Variants in SLC8A1 observed in about 807,000 individuals in gnomAD.
SLC8A1 encodes sodium/calcium exchanger 1.
In SLC8A1, 18 loss-of-function variants were observed where a neutral mutation model predicts 68.3. The observed-to-expected ratio is 0.26, with a 90% CI of 0.18 to 0.39. The LOEUF (loss-of-function observed/expected upper bound fraction) is 0.39. Ranked by LOEUF, SLC8A1 falls within the 10% of genes least tolerant of loss-of-function variation. SLC8A1 has a pLI of 1.00. For synonymous variants in SLC8A1, 475 were observed against 415.5 expected, an observed-to-expected ratio of 1.14 and a Z score of -1.74; for missense variants, 985 against 1,156.7, an observed-to-expected ratio of 0.85 and a Z score of 2.15.
At chr2:40,257,017 TAAATAAA>T (rs2064035170) in intron 2 of SLC8A1, among the ~76,000 whole-genome samples, 1 of 296 alleles carries the variant, frequency 3.4e-3, no homozygotes, top group Admixed American at 0.5. Context: ...ATCAAGTAAG[TAAATAAA>T]TAAATAAATA....
intron 5 of SLC8A1, among the ~76,000 whole-genome samples, chr2:40,161,292 T>C (rs34580201): frequency 0.02 from 2,971 of 152,252 alleles, 49 homozygotes; most frequent in Middle Eastern, 0.034. Flanking sequence ...CCAAAAAATA[T>C]TGCTATTGTA....
At chr2:40,236,312 A>G (rs916169042) in intron 2 of SLC8A1, among the ~76,000 whole-genome samples, 15 of 152,120 alleles carry the variant, frequency 9.9e-5, no homozygotes, top group Admixed American at 9.2e-4. Flanking sequence ...TATTTAGGAT[A>G]GTTAGCTCTT....
At position 40,337,452 on chromosome 2, in the gene SLC8A1, A is replaced by G. The variant is rs878934629; in HGVS notation, c.1808+91021T>C. The G allele has an allele frequency of 1.3e-5, 3 of 232,174 alleles. No individual in the cohort carries two copies. The South Asian group carries it at 1.6e-4, about 12-fold the overall frequency. 14.4% of individuals were successfully genotyped at this position (232,174 alleles called of 1,614,324 possible). A position where few individuals can be genotyped will look rare whatever the true frequency, so the allele number is the denominator to read the frequency against. ...GATTCTACAGGGAACCCATGAAGGA[A>G]GTCAGGTAAAAAAAGGAAAAGCAAG... On this transcript the variant is annotated intron_variant, in intron 2 of 7. Coordinates refer to ENST00000406785, the Ensembl canonical transcript of SLC8A1.
intron 2 of SLC8A1, among the ~76,000 whole-genome samples, chr2:40,321,531 G>C (rs2075187082): frequency 6.6e-6 from 1 of 152,062 alleles, no homozygotes; most frequent in Non-Finnish European, 1.5e-5. Context: ...AATTTACAAA[G>C]AAAAGAGGTT....
intron 2 of SLC8A1, among the ~76,000 whole-genome samples, chr2:40,248,295 C>A (rs377752078): frequency 6.6e-6 from 1 of 152,134 alleles, no homozygotes; most frequent in East Asian, 1.9e-4. Context: ...CAACTCCAAA[C>A]TCAGAGGTTG....
chr2:40,194,500 TGTGTGTGCGCGC>T (rs1305266593), intron 2 of SLC8A1, among the ~76,000 whole-genome samples: 11 of 146,236 alleles, frequency 7.5e-5, no homozygotes, highest in East Asian at 2.0e-4. Flanking sequence ...TGTGTGTGTG[TGTGTGTGCGCGC>T]GCAAAGAAAA....
intron 1 of SLC8A1, among the ~76,000 whole-genome samples, chr2:40,434,655 G>A (rs1220926986): frequency 3.9e-5 from 6 of 152,086 alleles, no homozygotes; most frequent in East Asian, 1.9e-4. Flanking sequence ...AGATCAACTC[G>A]TACAACTGTG....
chr2:40,375,472 G>C (rs1454847331), intron 2 of SLC8A1, among the ~76,000 whole-genome samples: 1 of 152,034 alleles, frequency 6.6e-6, no homozygotes, highest in East Asian at 1.9e-4. Context: ...ATTTTAATTG[G>C]ATAGTTTTAT....
chr2:40,340,718 G>C (rs961157215), intron 2 of SLC8A1, among the ~76,000 whole-genome samples: 2 of 152,166 alleles, frequency 1.3e-5, no homozygotes, highest in Non-Finnish European at 2.9e-5. Context: ...TTTAATTCTT[G>C]AGACTGGCCT....
intron 2 of SLC8A1, among the ~76,000 whole-genome samples, chr2:40,233,889 C>G (rs949663902): frequency 2.6e-5 from 4 of 151,524 alleles, no homozygotes; most frequent in Non-Finnish European, 5.9e-5. Flanking sequence ...TCAGGTTTGT[C>G]AAAGATCAGA....
In SLC8A1 at chr2:40,376,622, G is replaced by A. The variant is rs1355674547; in HGVS notation, c.1808+51851C>T. Among the ~76,000 whole-genome samples, 7 of 147,226 alleles carry A rather than the reference G, an allele frequency of 4.8e-5. No homozygotes were observed. The East Asian group carries it at 5.8e-4, about 12-fold the overall frequency. ...AAAGGAAAAGGAAAGGAAAGTTCAC[G>A]CTGTGGCAGATGCAACCAACAAACA... On this transcript the variant is annotated intron_variant, in intron 2 of 7. Coordinates refer to ENST00000406785, the Ensembl canonical transcript of SLC8A1.
chr2:40,412,050 A>C (rs1306106374), intron 2 of SLC8A1, among the ~76,000 whole-genome samples: 4 of 152,150 alleles, frequency 2.6e-5, no homozygotes, highest in Non-Finnish European at 5.9e-5. Context: ...AGAGATATTA[A>C]ATAACTAGCC....
At chr2:40,253,871 G>A (rs1490374327) in intron 2 of SLC8A1, among the ~76,000 whole-genome samples, 1 of 141,484 alleles carries the variant, frequency 7.1e-6, no homozygotes, top group Non-Finnish European at 1.5e-5. Flanking sequence ...AGGAAGGACA[G>A]CAGGAGTGGG....
At chr2:40,415,004 T>A (rs528758670) in intron 2 of SLC8A1, among the ~76,000 whole-genome samples, 59 of 152,244 alleles carry the variant, frequency 3.9e-4, no homozygotes, top group African/African-American at 1.4e-3. Context: ...AATACATGGC[T>A]CAGAAATTTG....
intron 2 of SLC8A1, among the ~76,000 whole-genome samples, chr2:40,369,629 A>G (rs1677372903): frequency 1.3e-5 from 2 of 152,090 alleles, no homozygotes; most frequent in South Asian, 4.1e-4. Flanking sequence ...CTGTCCATCT[A>G]TGTCTATCAG....
chr2:40,437,066 C>T (rs987872727), intron 1 of SLC8A1, among the ~76,000 whole-genome samples: 1 of 152,094 alleles, frequency 6.6e-6, no homozygotes, highest in Non-Finnish European at 1.5e-5. Context: ...TATTATCATT[C>T]GCATTTTACA....
chr2:40,414,453 G>A (rs1211840665), intron 2 of SLC8A1, among the ~76,000 whole-genome samples: 1 of 152,174 alleles, frequency 6.6e-6, no homozygotes, highest in African/African-American at 2.4e-5. Context: ...CATTGAGTGT[G>A]TGGGTAACTA....
intron 7 of SLC8A1, among the ~76,000 whole-genome samples, chr2:40,133,702 C>CT (rs2039887928): frequency 2.4e-5 from 1 of 42,142 alleles, no homozygotes; most frequent in African/African-American, 1.0e-4. Flanking sequence ...GGGCAAAAAT[C>CT]CCCCCCCCCC....
At chr2:40,212,281 ATCTTT>A (rs1404656292) in intron 2 of SLC8A1, among the ~76,000 whole-genome samples, 1 of 118,212 alleles carries the variant, frequency 8.5e-6, no homozygotes, top group Non-Finnish European at 1.8e-5. Flanking sequence ...GAGATGCAAT[ATCTTT>A]TTTTTTTTTT....
Sources: gnomAD v4.1 joint callset for allele counts (sites outside exome capture counted in the v4.1 genomes callset) on GRCh38, gnomAD v4.1.1 for gene constraint, MANE v1.5 for transcripts, NCBI Gene and HGNC (gene_info 2026-07-23, HGNC 2026-07-21) for gene names.